Variants in PKHD1L1 observed in about 807,000 individuals in gnomAD.
The protein encoded by PKHD1L1 is PKHD1 like 1.
Under a neutral mutation model 462.9 loss-of-function variants are expected in PKHD1L1, and 434 were observed. That is an observed-to-expected ratio of 0.94 (90% CI 0.87 to 1.02). The LOEUF (loss-of-function observed/expected upper bound fraction) is 1.02. PKHD1L1 is among the 50% of genes least tolerant of loss of function. PKHD1L1 has a pLI of 0.00. For missense variants in PKHD1L1, 5,202 were observed against 5,096.1 expected (o/e 1.02, Z -0.63); for synonymous variants, 1,781 against 1,750.0 (o/e 1.02, Z -0.44).
chr8:109,458,221 A>G (rs780079374), intron 46 of PKHD1L1, among the ~76,000 whole-genome samples: 2 of 151,882 alleles, frequency 1.3e-5, no homozygotes, highest in Non-Finnish European at 2.9e-5. Context: ...TCTAATTATC[A>G]TCATTCATTA....
chr8:109,488,906 A>G (rs28411850), intron 59 of PKHD1L1, among the ~76,000 whole-genome samples: 3,044 of 152,050 alleles, frequency 0.02, 89 homozygotes, highest in African/African-American at 0.062. Flanking sequence ...AGATGATTAA[A>G]GGGGTAAAGT....
Position 109,531,650 on chromosome 8 carries a change from G to A in PKHD1L1, c.*1560G>A, listed in dbSNP as rs1473639433. Among the ~76,000 whole-genome samples the A allele has an allele frequency of 1.3e-5, 2 of 152,158 alleles. No homozygotes were observed. The highest frequency in any genetic ancestry group is 2.9e-5 in the Non-Finnish European group (2 of 68,010). On this transcript the variant is annotated 3_prime_UTR_variant, in exon 78 of 78. Coordinates refer to ENST00000378402, the MANE Select transcript of PKHD1L1 (RefSeq NM_177531.6). ...CAGAAAAAATTCAAATGAACAGCTG[G>A]AATGGAAATAGTCACAATTTTAAGG...
intron 71 of PKHD1L1, among the ~76,000 whole-genome samples, chr8:109,511,204 A>G (rs1819958340): frequency 1.3e-5 from 2 of 151,952 alleles, no homozygotes; most frequent in South Asian, 4.2e-4. Context: ...TTATTTTTTT[A>G]TTATTATACT....
intron 53 of PKHD1L1, among the ~76,000 whole-genome samples, chr8:109,477,758 A>C (rs941864033): frequency 6.6e-6 from 1 of 152,188 alleles, no homozygotes; most frequent in Non-Finnish European, 1.5e-5. Context: ...ACAGCACCAG[A>C]AACTAAGTCT....
chr8:109,413,271 C>T, intron 20 of PKHD1L1, 150 bp from the exon 21 acceptor site: 1 of 554,036 alleles, frequency 1.8e-6, no homozygotes, highest in Non-Finnish European at 2.8e-6. Context: ...ACATAACTGG[C>T]TGAAATTAAT....
chr8:109,400,049 A>C, intron 12 of PKHD1L1, 27 bp from the exon 13 acceptor site: 1 of 1,578,392 alleles, frequency 6.3e-7, no homozygotes, highest in South Asian at 1.2e-5. Flanking sequence ...TCCTGATGAA[A>C]GTCTTATTTT....
chr8:109,527,190 A>G (rs1052233254), intron 77 of PKHD1L1, among the ~76,000 whole-genome samples, 170 bp downstream of exon 77: 1 of 152,138 alleles, frequency 6.6e-6, no homozygotes, highest in Non-Finnish European at 1.5e-5. Flanking sequence ...TATTCACTAC[A>G]TGTTGGTCTA....
rs1351927068 is a variant in PKHD1L1 at position 109,536,679 on chromosome 8, A to G, written c.*6589A>G. On this transcript the variant is annotated 3_prime_UTR_variant, in exon 78 of 78. Transcript: ENST00000378402. ...TTTTCATTTGAATTTATTTCTACTAAAATATATGTATTATTTTTCTTGATT... is the reference window on the plus strand; with the variant it reads ...TTTTCATTTGAATTTATTTCTACTAGAATATATGTATTATTTTTCTTGATT... Among the ~76,000 whole-genome samples the G allele has an allele frequency of 6.6e-6, 1 of 152,168 alleles. No individual in the cohort carries two copies. The highest frequency in any genetic ancestry group is 1.9e-4 in the East Asian group (1 of 5,190).
intron 37 of PKHD1L1, 124 bp downstream of exon 37, chr8:109,444,026 C>T: frequency 2.4e-6 from 2 of 822,946 alleles, no homozygotes; most frequent in Non-Finnish European, 3.7e-6. Flanking sequence ...ATACAATTCA[C>T]CCACTTAAAG....
chr8:109,470,953 G>A, intron 50 of PKHD1L1: 1 of 1,610,088 alleles, frequency 6.2e-7, no homozygotes, highest in African/African-American at 1.3e-5. Context: ...ACAGTGGGGA[G>A]TTCCTCTTTA....
At chr8:109,486,516 TG>T in intron 58 of PKHD1L1, 131 bp from the exon 59 acceptor site, 1 of 678,790 alleles carries the variant, frequency 1.5e-6, no homozygotes, top group Non-Finnish European at 2.4e-6. Flanking sequence ...ATGTTTAACA[TG>T]TAAATGTAAT....
At chr8:109,421,557 C>T (rs895169266) in intron 23 of PKHD1L1, among the ~76,000 whole-genome samples, 1 of 151,752 alleles carries the variant, frequency 6.6e-6, no homozygotes, top group African/African-American at 2.4e-5. Context: ...CCGAGACGGG[C>T]GGATCATGAG....
Position 109,444,907 on chromosome 8 carries a change from A to T in PKHD1L1, c.5038A>T (p.Lys1680Ter), listed in dbSNP as rs1816035848. Residue 1680 changes from lysine to a stop codon, truncating the protein, a stop_gained, in exon 38 of 78, where the codon AAA becomes TAA. Coordinates refer to ENST00000378402, the MANE Select transcript of PKHD1L1 (RefSeq NM_177531.6). LOFTEE classifies it high-confidence loss of function. ...TACAGGAATGACAAGCGTGACCATAAAAGGCTCTGGATTTGCCGTTTCTTC... is the reference window on the plus strand; with the variant it reads ...TACAGGAATGACAAGCGTGACCATATAAGGCTCTGGATTTGCCGTTTCTTC... ...STTGMTSVTI[K>*]GSGFAVSSAG... 1 of 1,613,862 alleles carries T rather than the reference A, an allele frequency of 6.2e-7. No homozygotes were observed. Among genetic ancestry groups the T allele is most frequent in the African/African-American group, 1.3e-5 (1 of 74,912 alleles).
chr8:109,367,618 C>A (rs973601889), intron 2 of PKHD1L1, among the ~76,000 whole-genome samples: 1 of 152,228 alleles, frequency 6.6e-6, no homozygotes. Context: ...CACGTTGGTC[C>A]GTGCCTGTAA....
intron 15 of PKHD1L1, 128 bp downstream of exon 15, chr8:109,404,841 T>C (rs917432751): frequency 3.6e-5 from 42 of 1,177,508 alleles, no homozygotes; most frequent in Non-Finnish European, 4.9e-5. Flanking sequence ...TATTAAATTA[T>C]GACTTTGAGT....
intron 76 of PKHD1L1, 37 bp downstream of exon 76, chr8:109,523,423 A>G (rs766588359): frequency 2.0e-6 from 3 of 1,527,594 alleles, no homozygotes; most frequent in Non-Finnish European, 2.7e-6. Context: ...ATATATAGCC[A>G]TAAATAGAGA....
In PKHD1L1 at chr8:109,483,215, G is replaced by GA. The variant is rs1029148851; in HGVS notation, c.9576+115dup. ...CATTTTCTCATGTGATTAACCAGATGAAAAATGTGTATTTTGCAATAAGCT... is the reference window on the plus strand; with the variant it reads ...CATTTTCTCATGTGATTAACCAGATGAAAAAATGTGTATTTTGCAATAAGCT... On this transcript the variant is annotated intron_variant, in intron 57 of 77. Transcript: ENST00000378402. 3.6e-5 allele frequency: 27 copies of GA among 742,792 alleles called. No individual in the cohort carries two copies. The African/African-American group carries it at 4.5e-4, about 12-fold the overall frequency. 46.0% of individuals were successfully genotyped at this position (742,792 alleles called of 1,614,324 possible).
chr8:109,414,748 G>C (rs1439030680), intron 21 of PKHD1L1, among the ~76,000 whole-genome samples: 1 of 152,014 alleles, frequency 6.6e-6, no homozygotes, highest in Non-Finnish European at 1.5e-5. Flanking sequence ...CCCAGACAGA[G>C]AGAGTGAGAA....
At chr8:109,501,680 C>T (rs1172844787) in intron 67 of PKHD1L1, among the ~76,000 whole-genome samples, 1 of 152,164 alleles carries the variant, frequency 6.6e-6, no homozygotes, top group Non-Finnish European at 1.5e-5. Flanking sequence ...CATGCATAGC[C>T]TCCATCTTCA....
Sources: allele counts gnomAD v4.1 joint callset (sites outside exome capture counted in the v4.1 genomes callset), GRCh38; gene constraint gnomAD v4.1.1; transcripts MANE v1.5; gene names NCBI Gene and HGNC (gene_info 2026-07-23, HGNC 2026-07-21).